Variants in EHBP1 observed in about 807,000 individuals in gnomAD.
EHBP1 encodes EH domain-binding protein 1.
In EHBP1, 55 loss-of-function variants were observed where a neutral mutation model predicts 144.0. The observed-to-expected ratio is 0.38, with a 90% confidence interval of 0.31 to 0.48. The LOEUF (loss-of-function observed/expected upper bound fraction) is 0.48. EHBP1 is among the 20% of genes least tolerant of loss of function. The pLI is 0.98. For synonymous variants in EHBP1, 469 were observed against 472.7 expected, an observed-to-expected ratio of 0.99 and a Z score of 0.10; for missense variants, 1,200 against 1,364.2, an observed-to-expected ratio of 0.88 and a Z score of 1.90.
rs200238261 is a variant in EHBP1 at position 62,862,914 on chromosome 2, T to TAA, written c.758-1808_758-1807dup. Among the ~76,000 whole-genome samples the TAA allele has an allele frequency of 1.0e-4, 15 of 148,168 alleles. No homozygotes were observed. The South Asian group carries it at 3.2e-3, about 32-fold the overall frequency. Reference sequence around the variant, plus strand: ...TTTTGTTTTAAAATACTAACAAACATAAAAAAAAAAGCCTCGTGCTAAGTA... The same window carrying TAA: ...TTTTGTTTTAAAATACTAACAAACATAAAAAAAAAAAAGCCTCGTGCTAAGTA... On this transcript the variant is annotated intron_variant, in intron 8 of 22. Coordinates refer to ENST00000431489, the MANE Select transcript of EHBP1 (RefSeq NM_001142616.3).
At chr2:62,832,438 CTTTTTT>C (rs202005406) in intron 7 of EHBP1, among the ~76,000 whole-genome samples, 2 of 117,820 alleles carry the variant, frequency 1.7e-5, no homozygotes, top group African/African-American at 3.2e-5. Context: ...TTTCTTTTTT[CTTTTTT>C]TTTTTTTTTT....
chr2:62,849,719 C>G (rs1250319415), intron 7 of EHBP1, among the ~76,000 whole-genome samples: 4 of 152,176 alleles, frequency 2.6e-5, no homozygotes, highest in African/African-American at 9.7e-5. Flanking sequence ...CATTCATTTA[C>G]AACGTACATT....
chr2:62,864,192 T>C (rs2049869041), intron 8 of EHBP1, among the ~76,000 whole-genome samples: 1 of 152,126 alleles, frequency 6.6e-6, no homozygotes. Context: ...TCACCCAGGC[T>C]GGAGTGCAGT....
intron 10 of EHBP1, among the ~76,000 whole-genome samples, chr2:62,924,968 T>C (rs1213124311): frequency 6.6e-6 from 1 of 152,076 alleles, no homozygotes; most frequent in Non-Finnish European, 1.5e-5. Context: ...TACTAACAAA[T>C]TGAGCGCAAC....
intron 5 of EHBP1, among the ~76,000 whole-genome samples, chr2:62,819,605 A>T (rs2045734185): frequency 6.6e-6 from 1 of 151,936 alleles, no homozygotes; most frequent in African/African-American, 2.4e-5. Flanking sequence ...CTTTACTAAA[A>T]ATACAAAAAT....
chr2:62,955,868 A>G (rs1483789706), intron 14 of EHBP1: 13 of 417,858 alleles, frequency 3.1e-5, no homozygotes, highest in Non-Finnish European at 5.0e-5. Flanking sequence ...GTGATGAGGA[A>G]AAGTAAGATC....
chr2:62,955,405 A>G (rs1198846851), intron 13 of EHBP1, 112 bp from the exon 14 acceptor site: 5 of 1,035,318 alleles, frequency 4.8e-6, no homozygotes, highest in Non-Finnish European at 6.9e-6. Context: ...TGAAGCTACA[A>G]TCTTATTCAT....
chr2:62,805,075 T>C (rs1053670802), intron 5 of EHBP1, among the ~76,000 whole-genome samples: 4 of 152,232 alleles, frequency 2.6e-5, no homozygotes, highest in Non-Finnish European at 5.9e-5. Context: ...GTTTTTAAAG[T>C]ATACATGTTT....
intron 19 of EHBP1, among the ~76,000 whole-genome samples, chr2:63,026,247 A>T (rs1425662444): frequency 6.6e-6 from 1 of 151,296 alleles, no homozygotes; most frequent in Non-Finnish European, 1.5e-5. Context: ...AATTCTAGGA[A>T]TCAAGAGAGG....
At chr2:62,886,958 G>A (rs2051981698) in intron 10 of EHBP1, among the ~76,000 whole-genome samples, 1 of 151,960 alleles carries the variant, frequency 6.6e-6, no homozygotes, top group Non-Finnish European at 1.5e-5. Flanking sequence ...GATTTTCTGT[G>A]GGCAATAGAA....
chr2:62,788,484 A>T (rs2042961136), intron 5 of EHBP1, among the ~76,000 whole-genome samples: 1 of 152,164 alleles, frequency 6.6e-6, no homozygotes. Flanking sequence ...GTACCAAAAA[A>T]AAAACCCTGT....
At chr2:62,914,072 G>T (rs981626080) in intron 10 of EHBP1, among the ~76,000 whole-genome samples, 1 of 152,032 alleles carries the variant, frequency 6.6e-6, no homozygotes, top group Non-Finnish European at 1.5e-5. Flanking sequence ...TTTCAATCAG[G>T]CAGGTTGACT....
intron 21 of EHBP1, among the ~76,000 whole-genome samples, chr2:63,041,245 T>G (rs2061648219): frequency 6.6e-6 from 1 of 152,214 alleles, no homozygotes; most frequent in African/African-American, 2.4e-5. Flanking sequence ...GAGGTGTTTT[T>G]CATAGCAGGA....
At chr2:62,921,112 G>A (rs1053752113) in intron 10 of EHBP1, among the ~76,000 whole-genome samples, 1 of 152,118 alleles carries the variant, frequency 6.6e-6, no homozygotes, top group Non-Finnish European at 1.5e-5. Context: ...AGTTAAACTG[G>A]TATGAATTCA....
At chr2:63,031,759 C>T (rs2061257881) in intron 19 of EHBP1, among the ~76,000 whole-genome samples, 1 of 152,050 alleles carries the variant, frequency 6.6e-6, no homozygotes, top group South Asian at 2.1e-4. Context: ...CGAAACCCCA[C>T]GTCTACTGAA....
intron 8 of EHBP1, among the ~76,000 whole-genome samples, chr2:62,863,837 GTTGTTTTTTT>G (rs1311169469): frequency 1.1e-4 from 8 of 74,576 alleles, no homozygotes; most frequent in Non-Finnish European, 1.0e-4. Flanking sequence ...ATTTTTCTGT[GTTGTTTTTTT>G]TTTTTTTTTT....
At chr2:63,021,661 G>A (rs529498945) in intron 19 of EHBP1, among the ~76,000 whole-genome samples, 1 of 152,280 alleles carries the variant, frequency 6.6e-6, no homozygotes, top group South Asian at 2.1e-4. Flanking sequence ...CATCAGAGAT[G>A]GATAAGTATG....
intron 19 of EHBP1, among the ~76,000 whole-genome samples, chr2:63,027,959 C>T (rs759941622): frequency 3.9e-5 from 6 of 152,024 alleles, no homozygotes; most frequent in Admixed American, 6.6e-5. Flanking sequence ...GACAGGATCT[C>T]GCTATGTTGT....
intron 7 of EHBP1, among the ~76,000 whole-genome samples, chr2:62,833,557 T>C (rs1479652737): frequency 6.6e-6 from 1 of 152,198 alleles, no homozygotes; most frequent in Non-Finnish European, 1.5e-5. Context: ...TTAAGACCAT[T>C]GTTGAGACCT....
Sources: allele counts gnomAD v4.1 joint callset (sites outside exome capture counted in the v4.1 genomes callset), GRCh38; gene constraint gnomAD v4.1.1; transcripts MANE v1.5; gene names NCBI Gene and HGNC (gene_info 2026-07-23, HGNC 2026-07-21).